DGCR2: variants seen among roughly 807,000 people sequenced by gnomAD.
DGCR2 encodes the protein DiGeorge syndrome critical region gene 2.
Under a neutral mutation model 51.6 loss-of-function variants are expected in DGCR2, and 24 were observed. That is an observed-to-expected ratio of 0.47 (90% CI 0.34 to 0.65). DGCR2 has a LOEUF of 0.65. DGCR2 is among the 30% of genes least tolerant of loss of function. DGCR2 has a pLI of 0.01. For missense variants in DGCR2, 765 were observed against 772.1 expected, an observed-to-expected ratio of 0.99 and a Z score of 0.11; for synonymous variants, 340 against 315.4, an observed-to-expected ratio of 1.08 and a Z score of -0.82.
intron 4 of DGCR2, among the ~76,000 whole-genome samples, chr22:19,064,244 C>T (rs142772520): frequency 1.4e-3 from 213 of 152,382 alleles, no homozygotes; most frequent in Non-Finnish European, 2.2e-3. Flanking sequence ...CCCTGCCCTC[C>T]GGGCTATACC....
At chr22:19,087,505 T>A (rs924009682) in intron 2 of DGCR2, among the ~76,000 whole-genome samples, 6 of 152,110 alleles carry the variant, frequency 3.9e-5, no homozygotes, top group African/African-American at 1.4e-4. Flanking sequence ...TTCTCCTGCC[T>A]CAGCTGGGAT....
At chr22:19,081,332 C>T (rs1177251539) in intron 2 of DGCR2, among the ~76,000 whole-genome samples, 4 of 152,100 alleles carry the variant, frequency 2.6e-5, no homozygotes, top group African/African-American at 7.2e-5. Flanking sequence ...TTATTTTTTT[C>T]TTTTAGTTTA....
chr22:19,062,776 C>CATTCTCATTCATTCATTCAT (rs1363509718), intron 5 of DGCR2, among the ~76,000 whole-genome samples: 1 of 123,202 alleles, frequency 8.1e-6, no homozygotes, highest in Non-Finnish European at 1.7e-5. Context: ...CACATGCATG[C>CATTCTCATTCATTCATTCAT]TCACTCTCTC....
At chr22:19,088,643 TTA>T (rs1182979016) in intron 2 of DGCR2, among the ~76,000 whole-genome samples, 1 of 152,192 alleles carries the variant, frequency 6.6e-6, no homozygotes, top group Non-Finnish European at 1.5e-5. Context: ...CTTAGTGGCT[TTA>T]TCAGCACCAC....
chr22:19,093,611 C>T lies in DGCR2; in HGVS notation c.80-4121G>A, dbSNP rs570295987. ...AGACAAACCACACACAGAGAGAAAA[C>T]ATTTGCAAATCATGTATCTGATAAA... On this transcript the variant is annotated intron_variant, in intron 1 of 9. Transcript: ENST00000263196. Among the ~76,000 whole-genome samples the T allele has an allele frequency of 7.9e-5, 12 of 152,046 alleles. No homozygotes were observed. In the East Asian group the frequency reaches 2.3e-3, roughly 29 times the overall value.
chr22:19,060,231 G>A (rs1038078475), intron 5 of DGCR2, among the ~76,000 whole-genome samples: 6 of 152,212 alleles, frequency 3.9e-5, no homozygotes, highest in Non-Finnish European at 7.3e-5. Flanking sequence ...GCTTCTAAAC[G>A]CTAGGTCCCA....
At chr22:19,105,542 G>GGTGCT in intron 1 of DGCR2, among the ~76,000 whole-genome samples, 1 of 152,338 alleles carries the variant, frequency 6.6e-6, no homozygotes, top group East Asian at 1.9e-4. Flanking sequence ...ATTCTGAACA[G>GGTGCT]GTGCTGCCCA....
At chr22:19,101,569 C>T (rs573114865) in intron 1 of DGCR2, among the ~76,000 whole-genome samples, 1 of 151,736 alleles carries the variant, frequency 6.6e-6, no homozygotes, top group South Asian at 2.1e-4. Flanking sequence ...GGTGAAACCC[C>T]GTCTCTACCA....
chr22:19,117,771 T>C (rs547919659), intron 1 of DGCR2, among the ~76,000 whole-genome samples: 7 of 152,326 alleles, frequency 4.6e-5, no homozygotes, highest in South Asian at 2.1e-4. Flanking sequence ...AAAAGTTTTC[T>C]TTTTGTCAAG....
rs1178834053 is a variant in DGCR2, at chr22:19,068,189, T to C, written c.239A>G (p.Glu80Gly). The change falls in exon 3 of 10, where the codon GAG becomes GGG. Residue 80 changes from glutamate to glycine, a missense_variant. Around this residue, in one of 3 missense-constraint regions of DGCR2, gnomAD observed 370 missense variants for 325.5 expected, o/e 1.14. Transcript: ENST00000263196. ...TGEVRPHHGK[E>G]AVDPRQGRAR... ...CCGCCCCTGCCGCGGATCCACAGCC[T>C]CCTTCCCATGATGAGGACGCACCTC... 6.2e-7 allele frequency: 1 copy of C among 1,611,070 alleles called. No individual in the cohort carries two copies.
At chr22:19,047,269 G>A in intron 7 of DGCR2, 1 of 152,370 alleles carries the variant, frequency 6.6e-6, no homozygotes, top group Non-Finnish European at 1.5e-5. Flanking sequence ...CCAGCCTCAG[G>A]CACAGCCTCT....
At chr22:19,054,453 C>T (rs909577825) in intron 6 of DGCR2, among the ~76,000 whole-genome samples, 4 of 152,234 alleles carry the variant, frequency 2.6e-5, no homozygotes, top group Admixed American at 6.5e-5. Flanking sequence ...AAGTCTCCCT[C>T]GCCTGACCCA....
Position 19,065,001 on chromosome 22 carries a change from T to G in DGCR2, c.395A>C (p.Tyr132Ser), listed in dbSNP as rs769052667. Residue 132 changes from tyrosine to serine, a missense_variant, in exon 4 of 10, where the codon TAC (tyrosine) becomes TCC (serine). Transcript: ENST00000263196. ...YEGTASCYRV[Y>S]LSGENYWDAA... is the part of the protein sequence containing the mutation. Reference sequence around the variant, plus strand: ...ATCCCAGTAGTTCTCCCCGCTCAGGTAGACCCGGTAGCAGCTGGCCGTGCC... The same window carrying G: ...ATCCCAGTAGTTCTCCCCGCTCAGGGAGACCCGGTAGCAGCTGGCCGTGCC... The G allele has an allele frequency of 1.9e-6, 3 of 1,614,044 alleles. No individual in the cohort carries two copies. The highest frequency in any genetic ancestry group is 2.2e-5 in the East Asian group (1 of 44,884).
At chr22:19,116,095 G>C (rs2083370740) in intron 1 of DGCR2, among the ~76,000 whole-genome samples, 2 of 152,252 alleles carry the variant, frequency 1.3e-5, no homozygotes, top group African/African-American at 4.8e-5. Context: ...CAGTAGAACA[G>C]ATTGAGCCTA....
intron 6 of DGCR2, among the ~76,000 whole-genome samples, chr22:19,054,842 C>T (rs2082584727): frequency 6.6e-6 from 1 of 151,432 alleles, no homozygotes; most frequent in African/African-American, 2.4e-5. Flanking sequence ...GTGGCTCACA[C>T]CTATAATCCC....
intron 2 of DGCR2, among the ~76,000 whole-genome samples, chr22:19,078,273 CAT>C (rs1601243785): frequency 6.6e-6 from 1 of 152,192 alleles, no homozygotes; most frequent in Non-Finnish European, 1.5e-5. Flanking sequence ...AGGTTTAAGA[CAT>C]AAATCTGTTA....
At chr22:19,121,952 G>C in intron 1 of DGCR2, 176 bp downstream of exon 1, 1 of 308,152 alleles carries the variant, frequency 3.2e-6, no homozygotes. Context: ...CGCGAGCCCA[G>C]GTAAGCTCCA....
At chr22:19,073,085 T>A (rs1431317393) in intron 2 of DGCR2, among the ~76,000 whole-genome samples, 1 of 151,930 alleles carries the variant, frequency 6.6e-6, no homozygotes, top group Non-Finnish European at 1.5e-5. Context: ...AGCAAGACCC[T>A]GTCTCTATGA....
intron 2 of DGCR2, among the ~76,000 whole-genome samples, chr22:19,081,782 A>G (rs1022899590): frequency 1.3e-5 from 2 of 152,238 alleles, no homozygotes; most frequent in African/African-American, 4.8e-5. Flanking sequence ...AAGCACATAA[A>G]ATTTCCACAC....
Sources: gnomAD v4.1 joint callset for allele counts (sites outside exome capture counted in the v4.1 genomes callset) on GRCh38, gnomAD v4.1.1 for gene constraint, gnomAD v4.1.1 regional missense constraint, MANE v1.5 for transcripts, NCBI Gene and HGNC (gene_info 2026-07-23, HGNC 2026-07-21) for gene names.